Variants in FGL1 observed in about 807,000 individuals in gnomAD.
FGL1 encodes the protein fibrinogen-like protein 1.
In FGL1, 59 loss-of-function variants were observed where a neutral mutation model predicts 43.7. The ratio of observed to expected loss-of-function variants is 1.35; its 90% CI spans 1.10 to 1.68. The LOEUF (loss-of-function observed/expected upper bound fraction) is 1.68, where lower values mean the gene tolerates loss of function less well. Among genes scored for constraint, FGL1 ranks in the 40% most tolerant of loss-of-function variants. The probability of loss-of-function intolerance (pLI) is 0.00; values close to 1 mark genes in which losing one functional copy is unlikely to be tolerated. For synonymous variants in FGL1, 192 were observed against 126.5 expected (o/e 1.52, Z -3.48); for missense variants, 596 against 373.0 (o/e 1.60, Z -4.92).
chr8:17,874,782 T>C, intron 3 of FGL1: 1 of 267,600 alleles, frequency 3.7e-6, no homozygotes, highest in Non-Finnish European at 6.9e-6. Flanking sequence ...AGTTTTTTGT[T>C]TCTTTCTTCT....
intron 3 of FGL1, 124 bp downstream of exon 3, chr8:17,881,875 A>G (rs2053541472): frequency 2.6e-6 from 2 of 779,418 alleles, no homozygotes; most frequent in Admixed American, 5.8e-5. Flanking sequence ...AGACATTTAC[A>G]ATAGATATAA....
intron 2 of FGL1, chr8:17,882,770 A>T (rs1281234889): frequency 8.5e-6 from 1 of 117,226 alleles, no homozygotes; most frequent in Non-Finnish European, 1.6e-5. Context: ...ATAATATATT[A>T]AACAATATAT....
chr8:17,865,613 A>G (rs907780556), intron 7 of FGL1, among the ~76,000 whole-genome samples: 7 of 152,196 alleles, frequency 4.6e-5, no homozygotes, highest in Non-Finnish European at 8.8e-5. Flanking sequence ...CAATATAAAA[A>G]TGTTTCTTTC....
chr8:17,886,618 C>G (rs1022042804), intron 1 of FGL1, among the ~76,000 whole-genome samples: 2 of 151,678 alleles, frequency 1.3e-5, no homozygotes, highest in African/African-American at 4.8e-5. Flanking sequence ...ATTAGCCAGG[C>G]GTGGTGGTGG....
Position 17,875,476 on chromosome 8 carries a change from G to A in FGL1, c.245-955C>T, listed in dbSNP as rs988530717. Among the ~76,000 whole-genome samples the A allele has an allele frequency of 2.1e-5, 3 of 145,056 alleles. No individual in the cohort carries two copies. The Admixed American group carries it at 2.1e-4, about 10-fold the overall frequency. On this transcript the variant is annotated intron_variant, in intron 3 of 7. Coordinates refer to ENST00000427924, the MANE Select transcript of FGL1 (RefSeq NM_004467.4). ...AGCTACCCCTTTGTCACCAAAAAGT[G>A]ATATCTCTTTCTTTCTTTCTTTCTT...
chr8:17,868,481 T>G, intron 7 of FGL1, 67 bp downstream of exon 7: 1 of 1,179,172 alleles, frequency 8.5e-7, no homozygotes, highest in Non-Finnish European at 1.2e-6. Flanking sequence ...CATATTATAT[T>G]GATAATTAAT....
chr8:17,868,813 A>T, intron 6 of FGL1, 78 bp from the exon 7 acceptor site: 1 of 1,479,510 alleles, frequency 6.8e-7, no homozygotes, highest in Non-Finnish European at 9.2e-7. Flanking sequence ...TCATAAACAA[A>T]AGAACAGGTT....
At position 17,882,067 on chromosome 8, in the gene FGL1, T is replaced by G; in HGVS notation, c.176A>C (p.Glu59Ala). The G allele has an allele frequency of 6.2e-7, 1 of 1,614,058 alleles. No homozygotes were observed. The part of the protein sequence containing the change: ...VKIKQLLQEN[E>A]VQFLDKGDEN... ...ATCTCCTTTATCAAGGAACTGGACT[T>G]CATTCTCCTGCAAAAGCTGCTTGAT... is the stretch of plus-strand genomic sequence containing the variant. The change falls in exon 3 of 8, where the codon GAA becomes GCA. Residue 59 changes from glutamate to alanine, a missense_variant. Physicochemically the swap from Glu to Ala is moderately radical, Grantham distance 107 (BLOSUM62 -1). Coordinates refer to ENST00000427924, the MANE Select transcript of FGL1 (RefSeq NM_004467.4).
intron 3 of FGL1, among the ~76,000 whole-genome samples, chr8:17,875,044 A>G (rs142421685): frequency 6.6e-6 from 1 of 152,338 alleles, no homozygotes; most frequent in East Asian, 1.9e-4. Context: ...GAATAGTAAA[A>G]TTTATCTCAC....
intron 7 of FGL1, among the ~76,000 whole-genome samples, chr8:17,867,440 TTC>T (rs2053286299): frequency 6.6e-6 from 1 of 152,168 alleles, no homozygotes; most frequent in South Asian, 2.1e-4. Flanking sequence ...TCTATAGTAG[TTC>T]TCTGTTTTTT....
At chr8:17,892,291 GAAACAA>G (rs2053716450) in intron 1 of FGL1, among the ~76,000 whole-genome samples, 1 of 151,560 alleles carries the variant, frequency 6.6e-6, no homozygotes, top group African/African-American at 2.4e-5. Flanking sequence ...CAGAAAATAA[GAAACAA>G]AAACATTTTA....
At chr8:17,878,179 T>G (rs1050142680) in intron 3 of FGL1, among the ~76,000 whole-genome samples, 1 of 152,138 alleles carries the variant, frequency 6.6e-6, no homozygotes, top group African/African-American at 2.4e-5. Context: ...CTTGAAATCC[T>G]GGCCTCAAGT....
At chr8:17,872,808 A>G (rs2053384491) in intron 5 of FGL1, among the ~76,000 whole-genome samples, 1 of 152,186 alleles carries the variant, frequency 6.6e-6, no homozygotes, top group African/African-American at 2.4e-5. Context: ...GATATTTTAG[A>G]CAAATATTAA....
chr8:17,882,839 T>A (rs62500071), intron 2 of FGL1, among the ~76,000 whole-genome samples: 2 of 33,052 alleles, frequency 6.1e-5, no homozygotes, highest in African/African-American at 1.9e-4. Context: ...ATATATTAAA[T>A]AATATATAAT....
At chr8:17,895,204 T>G in intron 1 of FGL1, 1 of 813,926 alleles carries the variant, frequency 1.2e-6, no homozygotes, top group Non-Finnish European at 1.5e-6. Context: ...TCCATTTTCC[T>G]CATTTGTAAT....
chr8:17,875,923 C>T (rs1331339959), intron 3 of FGL1, among the ~76,000 whole-genome samples: 1 of 152,060 alleles, frequency 6.6e-6, no homozygotes. Context: ...GATGTCTGTT[C>T]CTTAAGCCAC....
At chr8:17,886,744 T>C (rs531810327) in intron 1 of FGL1, among the ~76,000 whole-genome samples, 5 of 150,458 alleles carry the variant, frequency 3.3e-5, no homozygotes, top group African/African-American at 1.2e-4. Context: ...GGTGACAGAG[T>C]GAGTCCCTGT....
In FGL1 at chr8:17,864,671, G is replaced by T; in HGVS notation, c.860C>A (p.Thr287Asn). The stretch of plus-strand genomic sequence containing the variant: ...CAGAGAATACCACCACCCATGCCAG[G>T]TGTACCAGACAATCCCATTGTCTGT... ...AKTDNGIVWY[T>N]WHGWWYSLKS... The change falls in exon 8 of 8, where the codon ACC (threonine) becomes AAC (asparagine). Residue 287 changes from threonine (T) to asparagine (N), a missense_variant. Coordinates refer to ENST00000427924, the MANE Select transcript of FGL1 (RefSeq NM_004467.4). 6.2e-7 allele frequency: 1 copy of T among 1,613,660 alleles called. No individual in the cohort carries two copies. The highest frequency in any genetic ancestry group is 8.5e-7 in the Non-Finnish European group (1 of 1,179,874).
intron 7 of FGL1, among the ~76,000 whole-genome samples, chr8:17,866,867 G>T (rs1214755001): frequency 1.3e-5 from 2 of 152,192 alleles, no homozygotes; most frequent in Non-Finnish European, 2.9e-5. Context: ...TTTATGTCAT[G>T]CTGACTTAGA....
Sources: gnomAD v4.1 joint callset for allele counts (sites outside exome capture counted in the v4.1 genomes callset) on GRCh38, gnomAD v4.1.1 for gene constraint, MANE v1.5 for transcripts, NCBI Gene and HGNC (gene_info 2026-07-23, HGNC 2026-07-21) for gene names.